The following ADORA2A variants were observed in gnomAD, a reference collection of about 807,000 sequenced individuals.
ADORA2A encodes adenosine A2a receptor, also known as adenosine receptor A2a.
ADORA2A carries 11 observed loss-of-function variants against 18.4 expected under a neutral mutation model. That is an observed-to-expected ratio of 0.60 (90% CI 0.38 to 0.99). The LOEUF (loss-of-function observed/expected upper bound fraction) is 0.99. ADORA2A is among the 50% of genes least tolerant of loss of function. The pLI is 0.01. For synonymous variants in ADORA2A, 218 were observed against 237.3 expected, an observed-to-expected ratio of 0.92 and a Z score of 0.75; for missense variants, 449 against 556.1, an observed-to-expected ratio of 0.81 and a Z score of 1.94.
rs771503509 is a variant in ADORA2A at position 24,433,353 on chromosome 22, C to T, written c.-52C>T. 1.3e-5 allele frequency: 19 copies of T among 1,515,328 alleles called. No homozygotes were observed. Among genetic ancestry groups the T allele is most frequent in the Non-Finnish European group, 1.7e-5 (19 of 1,121,210 alleles). The allele number at this position is 1,515,328 out of a possible 1,614,324, so 93.9% of individuals were successfully genotyped here. On this transcript the variant is annotated 5_prime_UTR_variant, in exon 2 of 3. Coordinates refer to ENST00000337539, the MANE Select transcript of ADORA2A (RefSeq NM_000675.6). ...GGGCGGCTGGGCTGCAGCAATGGACCGTGAGCTGGCCCAGCCCGCGTCCGT... is the reference window on the plus strand; with the variant it reads ...GGGCGGCTGGGCTGCAGCAATGGACTGTGAGCTGGCCCAGCCCGCGTCCGT...
At chr22:24,423,919 C>G (rs1287752679), upstream of ADORA2A, 2 of 151,516 alleles carry the variant, frequency 1.3e-5, no homozygotes, top group African/African-American at 4.9e-5. Flanking sequence ...GGAGACCCAG[C>G]GGCCGCCGAG....
chr22:24,434,139 G>A (rs891194153), intron 2 of ADORA2A, among the ~76,000 whole-genome samples: 1 of 152,230 alleles, frequency 6.6e-6, no homozygotes, highest in African/African-American at 2.4e-5. Flanking sequence ...CCCGGATGAT[G>A]CTGGGGTGGA....
Position 24,433,126 on chromosome 22 carries a change from T to C in ADORA2A, c.-274-5T>C. ...TTCAGCTTCTCATCGGCTGTCCCTT[T>C]GCAGGTGCCTCAGGAACCCTGAAGC... On this transcript the variant is annotated splice_polypyrimidine_tract_variant and splice_region_variant and intron_variant, in intron 1 of 2. Transcript: ENST00000337539. The C allele has an allele frequency of 1.8e-6, 1 of 554,766 alleles. No individual in the cohort carries two copies. Among genetic ancestry groups the C allele is most frequent in the Non-Finnish European group, 3.2e-6 (1 of 309,498 alleles). 34.4% of individuals were successfully genotyped at this position (554,766 alleles called of 1,614,324 possible).
chr22:24,427,583 A>G (rs2042932188), upstream of ADORA2A: 1 of 152,344 alleles, frequency 6.6e-6, no homozygotes, highest in African/African-American at 2.4e-5. Flanking sequence ...ACATGTGAGC[A>G]GCCGCGTGCA....
intron 1 of ADORA2A, 53 bp from the exon 2 acceptor site, chr22:24,433,078 C>T: frequency 4.6e-6 from 2 of 437,828 alleles, no homozygotes; most frequent in East Asian, 8.5e-5. Context: ...GCACTTTCCG[C>T]AGGGCTCGCC....
In ADORA2A at chr22:24,433,653, C is replaced by T. The variant is rs966769877; in HGVS notation, c.249C>T (p.Phe83=). 8 of 1,613,330 alleles carry T rather than the reference C, an allele frequency of 5.0e-6. No homozygotes were observed. Among genetic ancestry groups the T allele is most frequent in the South Asian group, 1.1e-5 (1 of 91,086 alleles). The part of the protein sequence containing the change: ...ACHGCLFIAC[F]VLVLTQSSIF... ...ACGGCTGCCTCTTCATTGCCTGCTT[C>T]GTCCTGGTCCTCACGCAGAGCTCCA... is the stretch of plus-strand genomic sequence containing the variant. The change falls in exon 2 of 3, where the codon TTC becomes TTT. Residue 83 remains phenylalanine (F), a synonymous_variant. Coordinates refer to ENST00000337539, the MANE Select transcript of ADORA2A (RefSeq NM_000675.6).
intron 2 of ADORA2A, among the ~76,000 whole-genome samples, chr22:24,437,953 A>C (rs1232780984): frequency 6.6e-6 from 1 of 152,280 alleles, no homozygotes; most frequent in Non-Finnish European, 1.5e-5. Context: ...CTGCCTGGGA[A>C]TGTGGGCGAC....
intron 1 of ADORA2A, among the ~76,000 whole-genome samples, chr22:24,428,028 C>A (rs1048436862): frequency 6.6e-6 from 1 of 152,180 alleles, no homozygotes; most frequent in African/African-American, 2.4e-5. Flanking sequence ...GTCCCGGGCC[C>A]AGCCTGCACC....
chr22:24,432,169 C>G (rs1045687527), intron 1 of ADORA2A: 21 of 153,472 alleles, frequency 1.4e-4, no homozygotes, highest in African/African-American at 4.6e-4. Flanking sequence ...TGGAAGCTCA[C>G]AGTCAGCTGC....
At chr22:24,425,661 C>T (rs1363030106), upstream of ADORA2A, among the ~76,000 whole-genome samples, 2 of 152,228 alleles carry the variant, frequency 1.3e-5, no homozygotes, top group Non-Finnish European at 2.9e-5. Context: ...TGCTGGGCTT[C>T]TTCCCATATC....
chr22:24,437,397 C>T (rs1185955247), intron 2 of ADORA2A, among the ~76,000 whole-genome samples: 1 of 152,118 alleles, frequency 6.6e-6, no homozygotes, highest in Non-Finnish European at 1.5e-5. Flanking sequence ...AGATGCAGCC[C>T]AGGATATGCT....
At chr22:24,435,781 A>G (rs571797032) in intron 2 of ADORA2A, among the ~76,000 whole-genome samples, 16 of 152,184 alleles carry the variant, frequency 1.1e-4, no homozygotes, top group African/African-American at 3.9e-4. Context: ...CCTATCCTCT[A>G]CCCATCTCAT....
intron 1 of ADORA2A, chr22:24,431,085 G>A: frequency 4.4e-6 from 2 of 455,616 alleles, no homozygotes; most frequent in Non-Finnish European, 8.8e-6. Context: ...AGGGATAACT[G>A]TGTTCCTTGA....
In ADORA2A at chr22:24,433,636, C is replaced by T; in HGVS notation, c.232C>T (p.Leu78Phe). The change falls in exon 2 of 3, where the codon CTC becomes TTC. Residue 78 changes from leucine (L) to phenylalanine (F), a missense_variant. Physicochemically the swap from Leu to Phe is conservative, Grantham distance 22. Coordinates refer to ENST00000337539, the MANE Select transcript of ADORA2A (RefSeq NM_000675.6). ...TGFCAACHGCLFIACFVLVLT... is the reference protein window; with the variant it reads ...TGFCAACHGCFFIACFVLVLT... ...GTTCTGCGCTGCCTGCCACGGCTGC[C>T]TCTTCATTGCCTGCTTCGTCCTGGT... The T allele has an allele frequency of 1.2e-6, 2 of 1,613,788 alleles. No homozygotes were observed. The highest frequency in any genetic ancestry group is 1.7e-6 in the Non-Finnish European group (2 of 1,180,044).
At chr22:24,439,072 CTT>C (rs3032740) in intron 2 of ADORA2A, among the ~76,000 whole-genome samples, 6 of 73,102 alleles carry the variant, frequency 8.2e-5, no homozygotes, top group Admixed American at 4.0e-4. Flanking sequence ...CCCCTTGCAC[CTT>C]TTTTTTTTTT....
chr22:24,424,507 G>A (rs985611546), upstream of ADORA2A: 10 of 152,180 alleles, frequency 6.6e-5, no homozygotes, highest in African/African-American at 2.2e-4. This position sits in a 1 kb window ranked among gnomAD's most constrained non-coding sequence, Gnocchi z 4.9. Context: ...CCCGGGGCGA[G>A]GGAGATTCCC....
chr22:24,426,138 G>A (rs1328773033), upstream of ADORA2A, among the ~76,000 whole-genome samples: 3 of 152,218 alleles, frequency 2.0e-5, no homozygotes, highest in Admixed American at 2.0e-4. Flanking sequence ...TGCCTGCTGT[G>A]TGGGACCACA....
Position 24,441,357 on chromosome 22 carries a change from G to C in ADORA2A, c.1107G>C (p.Gly369=), listed in dbSNP as rs200477483. The change falls in exon 3 of 3, where the codon GGG becomes GGC. Residue 369 remains glycine (G), a synonymous_variant. Coordinates refer to ENST00000337539, the MANE Select transcript of ADORA2A (RefSeq NM_000675.6). ...NGYALGLVSG[G]SAQESQGNTG... ...ATGCCCTGGGGCTGGTGAGTGGAGGGAGTGCCCAAGAGTCCCAGGGGAACA... is the reference window on the plus strand; with the variant it reads ...ATGCCCTGGGGCTGGTGAGTGGAGGCAGTGCCCAAGAGTCCCAGGGGAACA... 431 of 1,586,918 alleles carry C rather than the reference G, an allele frequency of 2.7e-4. 2 individuals carry two copies. Among genetic ancestry groups the C allele is most frequent in the Non-Finnish European group, 1.8e-5 (21 of 1,165,802 alleles).
chr22:24,425,257 C>T (rs1161707148), upstream of ADORA2A, among the ~76,000 whole-genome samples: 1 of 148,866 alleles, frequency 6.7e-6, no homozygotes, highest in Non-Finnish European at 1.5e-5. Flanking sequence ...GTTGCGGGGT[C>T]GGGGCTTCCT....
Sources: allele counts gnomAD v4.1 joint callset (sites outside exome capture counted in the v4.1 genomes callset), GRCh38; gene constraint gnomAD v4.1.1; non-coding constraint Gnocchi (gnomAD v3.1); transcripts MANE v1.5; gene names NCBI Gene and HGNC (gene_info 2026-07-23, HGNC 2026-07-21).